Variants in PDE4D observed in about 807,000 individuals in gnomAD.
The protein encoded by PDE4D is 3',5'-cyclic-AMP phosphodiesterase 4D.
A neutral mutation model predicts 87.4 loss-of-function variants in PDE4D; 24 were observed. The observed-to-expected ratio is 0.27, with a 90% CI of 0.20 to 0.39. The LOEUF (loss-of-function observed/expected upper bound fraction) is 0.39, where lower values mean the gene tolerates loss of function less well. Ranked by LOEUF, PDE4D falls within the 10% of genes least tolerant of loss-of-function variation. The pLI is 1.00. For missense variants in PDE4D, 714 were observed against 1,041.0 expected (o/e 0.69, Z 4.32); for synonymous variants, 384 against 383.2 (o/e 1.00, Z -0.02).
At chr5:59,569,479 A>C (rs1252006738) in intron 1 of PDE4D, among the ~76,000 whole-genome samples, 1 of 152,196 alleles carries the variant, frequency 6.6e-6, no homozygotes, top group African/African-American at 2.4e-5. Flanking sequence ...AAAGAGAAAA[A>C]TTTCAGCAAA....
intron 2 of PDE4D, among the ~76,000 whole-genome samples, chr5:60,165,040 C>T (rs1042804748): frequency 7.9e-5 from 12 of 152,086 alleles, no homozygotes; most frequent in Admixed American, 2.0e-4. Context: ...GTCCAAGCCC[C>T]CTCCCCCAAC....
At chr5:60,329,033 C>G (rs1757059729) in intron 1 of PDE4D, among the ~76,000 whole-genome samples, 3 of 152,218 alleles carry the variant, frequency 2.0e-5, no homozygotes, top group South Asian at 4.1e-4. Context: ...ACAGTCGTCT[C>G]TCTTTGTTCA....
intron 1 of PDE4D, among the ~76,000 whole-genome samples, chr5:59,484,243 T>A (rs1244936124): frequency 6.6e-6 from 1 of 152,178 alleles, no homozygotes; most frequent in Non-Finnish European, 1.5e-5. Context: ...GGGCTTCCCC[T>A]CCAAGCCAAA....
chr5:59,878,614 T>C (rs1440550981), intron 1 of PDE4D, among the ~76,000 whole-genome samples: 2 of 152,128 alleles, frequency 1.3e-5, no homozygotes, highest in Non-Finnish European at 2.9e-5. Flanking sequence ...TGCCTGGCCA[T>C]GGATTCATTA....
intron 3 of PDE4D, among the ~76,000 whole-genome samples, chr5:59,976,302 T>C (rs938196545): frequency 2.6e-5 from 4 of 152,312 alleles, no homozygotes; most frequent in African/African-American, 9.6e-5. Context: ...ATTTATACCC[T>C]CCAAATCTCA....
chr5:58,999,832 C>T, intron 6 of PDE4D: 1 of 990,798 alleles, frequency 1.0e-6, no homozygotes. Flanking sequence ...TAAGGGTCTG[C>T]ATCTTTCTCT....
chr5:60,182,660 C>G (rs991659023), intron 2 of PDE4D, among the ~76,000 whole-genome samples: 1 of 151,800 alleles, frequency 6.6e-6, no homozygotes, highest in Non-Finnish European at 1.5e-5. Context: ...GGGCGGATCA[C>G]GAGGTCGGGA....
intron 1 of PDE4D, among the ~76,000 whole-genome samples, chr5:60,228,609 A>C (rs1745415304): frequency 6.6e-6 from 1 of 152,098 alleles, no homozygotes; most frequent in African/African-American, 2.4e-5. Context: ...AGAATGCTGC[A>C]AAAGCAAGCT....
chr5:59,397,840 T>A (rs1394691952), intron 1 of PDE4D, among the ~76,000 whole-genome samples: 2 of 115,772 alleles, frequency 1.7e-5, no homozygotes, highest in African/African-American at 3.6e-5. Flanking sequence ...CTAGCAAGAC[T>A]AATAAAGAAA....
At chr5:59,389,650 A>G (rs534876386) in intron 1 of PDE4D, among the ~76,000 whole-genome samples, 6 of 152,270 alleles carry the variant, frequency 3.9e-5, no homozygotes, top group South Asian at 2.1e-4. Context: ...CTGCACCCCC[A>G]TGTTTATTGC....
intron 5 of PDE4D, among the ~76,000 whole-genome samples, chr5:59,114,020 G>A (rs1773134516): frequency 6.6e-6 from 1 of 151,986 alleles, no homozygotes; most frequent in Non-Finnish European, 1.5e-5. Context: ...ACCCTTTTGG[G>A]GGTCATTTTC....
At chr5:59,620,534 G>A (rs1360604314) in intron 1 of PDE4D, among the ~76,000 whole-genome samples, 1 of 152,176 alleles carries the variant, frequency 6.6e-6, no homozygotes, top group Non-Finnish European at 1.5e-5. Context: ...TGTGGCCATG[G>A]AGGTGAATTG....
At chr5:59,080,533 A>C (rs1345769161) in intron 5 of PDE4D, among the ~76,000 whole-genome samples, 1 of 152,160 alleles carries the variant, frequency 6.6e-6, no homozygotes. Flanking sequence ...CAACATCGTC[A>C]TATTGCTTCT....
At chr5:60,351,762 T>C (rs1353543005) in intron 1 of PDE4D, among the ~76,000 whole-genome samples, 1 of 151,186 alleles carries the variant, frequency 6.6e-6, no homozygotes, top group Non-Finnish European at 1.5e-5. Context: ...TGCTGGGTCA[T>C]CTTTCTTCCA....
intron 5 of PDE4D, among the ~76,000 whole-genome samples, chr5:59,119,992 G>A (rs1474944920): frequency 6.6e-6 from 1 of 152,002 alleles, no homozygotes; most frequent in Non-Finnish European, 1.5e-5. Context: ...CTGCAGACAT[G>A]CACTACTCTG....
At chr5:60,106,566 C>A (rs1395085850) in intron 2 of PDE4D, among the ~76,000 whole-genome samples, 1 of 151,636 alleles carries the variant, frequency 6.6e-6, no homozygotes, top group Non-Finnish European at 1.5e-5. Context: ...TTTTTTTCAG[C>A]ACCACACCAC....
At chr5:59,610,516 T>C (rs960681042) in intron 1 of PDE4D, among the ~76,000 whole-genome samples, 7 of 152,220 alleles carry the variant, frequency 4.6e-5, no homozygotes, top group Non-Finnish European at 7.3e-5. Flanking sequence ...CTAGAACAGA[T>C]TAATCTATTC....
chr5:59,146,446 A>T (rs1423452120), intron 5 of PDE4D, among the ~76,000 whole-genome samples: 2 of 152,210 alleles, frequency 1.3e-5, no homozygotes, highest in East Asian at 3.9e-4. Flanking sequence ...AATTAAAAAA[A>T]GTTCTAGGGT....
At position 59,443,906 on chromosome 5, in the gene PDE4D, A is replaced by AT. The variant is rs1240280512; in HGVS notation, c.456-227939dup. On this transcript the variant is annotated intron_variant, in intron 1 of 14. Coordinates refer to ENST00000340635, the MANE Select transcript of PDE4D (RefSeq NM_001104631.2). ...AAAAATCACAGAATTTCATATGGAA[A>AT]TTTTTTTAAAGAGAGAAAACAAGAG... 2.0e-5 allele frequency among the ~76,000 whole-genome samples: 3 copies of AT among 152,020 alleles called. 1 individual carries two copies. Among genetic ancestry groups the AT allele is most frequent in the African/African-American group, 7.3e-5 (3 of 41,286 alleles).
Sources: allele counts gnomAD v4.1 joint callset (sites outside exome capture counted in the v4.1 genomes callset), GRCh38; gene constraint gnomAD v4.1.1; transcripts MANE v1.5; gene names NCBI Gene and HGNC (gene_info 2026-07-23, HGNC 2026-07-21).